NTM: variants seen among roughly 807,000 people sequenced by gnomAD.
NTM encodes neurotrimin, also known as IgLON family member 2.
A neutral mutation model predicts 42.1 loss-of-function variants in NTM; 13 were observed. The observed-to-expected ratio is 0.31, with a 90% CI of 0.20 to 0.49. The LOEUF is 0.49. NTM is among the 20% of genes least tolerant of loss of function. The probability of loss-of-function intolerance (pLI) is 0.99; values close to 1 mark genes in which losing one functional copy is unlikely to be tolerated. For synonymous variants in NTM, 187 were observed against 179.2 expected (o/e 1.04, Z -0.35); for missense variants, 373 against 452.8 (o/e 0.82, Z 1.60).
At chr11:131,576,007 C>T (rs955756471) in intron 1 of NTM, among the ~76,000 whole-genome samples, 1 of 152,182 alleles carries the variant, frequency 6.6e-6, no homozygotes, top group East Asian at 1.9e-4. Context: ...TATCTTCCTT[C>T]GTGCTCAATA....
intron 1 of NTM, among the ~76,000 whole-genome samples, chr11:131,560,208 C>A (rs1442252803): frequency 1.3e-5 from 2 of 152,170 alleles, no homozygotes; most frequent in Non-Finnish European, 2.9e-5. Flanking sequence ...TTCAGTCACA[C>A]TTTTTGCTTG....
In NTM at chr11:131,493,391, A is replaced by ATATGTAGCTTAGAG. The variant is rs1955001400; in HGVS notation, c.82+122503_82+122504insTATGTAGCTTAGAG. On this transcript the variant is annotated intron_variant, in intron 1 of 8. Coordinates refer to ENST00000683400, the MANE Select transcript of NTM (RefSeq NM_001352005.2). ...TTAAAATGGCCCCAAGACCCATGGA[A>ATATGTAGCTTAGAG]AAAAAGAGCCCTGCTTTCTCTGTGT... Among the ~76,000 whole-genome samples the ATATGTAGCTTAGAG allele has an allele frequency of 2.0e-5, 3 of 152,342 alleles. No individual in the cohort carries two copies. In the South Asian group the frequency reaches 6.2e-4, roughly 32 times the overall value.
rs578214726 is a variant in NTM, at chr11:132,236,279, T to G, written c.526+24132T>G. 7.2e-5 allele frequency among the ~76,000 whole-genome samples: 11 copies of G among 152,106 alleles called. No homozygotes were observed. In the South Asian group the frequency reaches 2.3e-3, roughly 32 times the overall value. On this transcript the variant is annotated intron_variant, in intron 4 of 8. Coordinates refer to ENST00000683400, the MANE Select transcript of NTM (RefSeq NM_001352005.2). ...ATAAGAACATTGAAGCTCAGAGAGG[T>G]TTGGTGATTTTTCCAAAGTTATATA...
At chr11:131,990,394 T>A (rs780214775) in intron 2 of NTM, among the ~76,000 whole-genome samples, 1 of 152,136 alleles carries the variant, frequency 6.6e-6, no homozygotes, top group Admixed American at 6.6e-5. Context: ...TATTTCATAT[T>A]CTTTTAGGTG....
intron 1 of NTM, among the ~76,000 whole-genome samples, chr11:131,500,045 T>A (rs962930679): frequency 6.6e-6 from 1 of 152,238 alleles, no homozygotes; most frequent in Non-Finnish European, 1.5e-5. Context: ...ATGCCTGCCC[T>A]GCAAGTGTGT....
In NTM at chr11:131,428,570, C is replaced by T. The variant is rs1038796062; in HGVS notation, c.82+57682C>T. Among the ~76,000 whole-genome samples the T allele has an allele frequency of 2.0e-5, 3 of 152,142 alleles. No individual in the cohort carries two copies. In the East Asian group the frequency reaches 5.8e-4, roughly 29 times the overall value. ...TCACTCCCACACGACATGCTTCCCC[C>T]TCTTTGTGTCACACTGTGTGTGACA... On this transcript the variant is annotated intron_variant, in intron 1 of 8. Transcript: ENST00000683400.
chr11:131,443,026 T>C (rs900373837), intron 1 of NTM, among the ~76,000 whole-genome samples: 5 of 152,182 alleles, frequency 3.3e-5, no homozygotes, highest in African/African-American at 9.7e-5. Context: ...TGAATGGTAG[T>C]TCTATTTTTA....
rs1308336959 is a variant in NTM at position 132,331,128 on chromosome 11, TTCTCTGAAGATGCA to T, written c.967+951_967+964del. 2.1e-4 allele frequency among the ~76,000 whole-genome samples: 32 copies of T among 152,358 alleles called. 1 individual carries two copies. Among genetic ancestry groups the T allele is most frequent in the African/African-American group, 7.5e-4 (31 of 41,590 alleles). On this transcript the variant is annotated intron_variant, in intron 8 of 8. Transcript: ENST00000683400. ...ATGCAGCCACACTCTCTTCTCTTTA[TTCTCTGAAGATGCA>T]TCTCTGAGATAGTGGGAAGATAGTT...
chr11:131,575,621 C>T (rs1316379783), intron 1 of NTM, among the ~76,000 whole-genome samples: 1 of 152,230 alleles, frequency 6.6e-6, no homozygotes, highest in Non-Finnish European at 1.5e-5. Flanking sequence ...CTGCAATTCC[C>T]AGCCTGATCT....
At chr11:131,435,605 A>T (rs984435096) in intron 1 of NTM, among the ~76,000 whole-genome samples, 1 of 152,216 alleles carries the variant, frequency 6.6e-6, no homozygotes, top group East Asian at 1.9e-4. Flanking sequence ...ATTGGTGCAT[A>T]GGAATGCTTG....
chr11:131,776,411 A>G (rs1472162438), intron 1 of NTM, among the ~76,000 whole-genome samples: 1 of 152,178 alleles, frequency 6.6e-6, no homozygotes, highest in Non-Finnish European at 1.5e-5. Context: ...CTTTCCTGCT[A>G]CTTCCCTGAG....
At chr11:132,288,535 A>G (rs1317386809) in intron 4 of NTM, among the ~76,000 whole-genome samples, 3 of 152,256 alleles carry the variant, frequency 2.0e-5, no homozygotes, top group Non-Finnish European at 4.4e-5. Flanking sequence ...CGGAATACAC[A>G]ATAGTTTCAC....
intron 4 of NTM, among the ~76,000 whole-genome samples, chr11:132,304,684 A>G (rs750589030): frequency 7.9e-5 from 12 of 152,186 alleles, no homozygotes; most frequent in Non-Finnish European, 1.5e-4. Flanking sequence ...AGTAGAGAAA[A>G]AGGTGGGTGA....
chr11:131,974,951 T>G (rs2064094548), intron 2 of NTM, among the ~76,000 whole-genome samples: 1 of 152,290 alleles, frequency 6.6e-6, no homozygotes, highest in South Asian at 2.1e-4. Flanking sequence ...TATCGTGTCC[T>G]TCTGCGAGCC....
At chr11:131,722,087 T>A (rs1284642238) in intron 1 of NTM, among the ~76,000 whole-genome samples, 8 of 148,430 alleles carry the variant, frequency 5.4e-5, no homozygotes, top group African/African-American at 1.0e-4. Context: ...AAGAAAATAA[T>A]GCTTGTAAAG....
chr11:132,320,361 C>T (rs1011691266), intron 7 of NTM, among the ~76,000 whole-genome samples: 6 of 152,214 alleles, frequency 3.9e-5, no homozygotes, highest in Non-Finnish European at 5.9e-5. Flanking sequence ...TTGCCTCACT[C>T]GGGAAGTGCA....
intron 3 of NTM, among the ~76,000 whole-genome samples, chr11:132,190,246 AC>A (rs374778282): frequency 1.3e-5 from 2 of 152,284 alleles, no homozygotes; most frequent in African/African-American, 4.8e-5. Context: ...CATGAGCCAT[AC>A]TAATAACCAA....
chr11:131,635,019 G>A (rs2064184100), intron 1 of NTM, among the ~76,000 whole-genome samples: 1 of 152,144 alleles, frequency 6.6e-6, no homozygotes, highest in Non-Finnish European at 1.5e-5. Flanking sequence ...TCAACAACAA[G>A]CCGCATATTC....
At chr11:131,705,071 T>C (rs1240625387) in intron 1 of NTM, among the ~76,000 whole-genome samples, 1 of 152,034 alleles carries the variant, frequency 6.6e-6, no homozygotes, top group Non-Finnish European at 1.5e-5. Flanking sequence ...AAAGACATAA[T>C]GACAAAAAAC....
Sources: gnomAD v4.1 joint callset for allele counts (sites outside exome capture counted in the v4.1 genomes callset) on GRCh38, gnomAD v4.1.1 for gene constraint, MANE v1.5 for transcripts, NCBI Gene and HGNC (gene_info 2026-07-23, HGNC 2026-07-21) for gene names.